RIF1: variants seen among roughly 807,000 people sequenced by gnomAD.
RIF1 encodes the protein replication timing regulatory factor 1.
A neutral mutation model predicts 247.1 loss-of-function variants in RIF1; 45 were observed. That is an observed-to-expected ratio of 0.18 (90% CI 0.14 to 0.23). The LOEUF (loss-of-function observed/expected upper bound fraction) is 0.23. RIF1 is among the 10% of genes least tolerant of loss of function. The probability of loss-of-function intolerance (pLI) is 1.00; values close to 1 mark genes in which losing one functional copy is unlikely to be tolerated. For missense variants in RIF1, 2,967 were observed against 2,862.5 expected (o/e 1.04, Z -0.83); for synonymous variants, 1,087 against 978.8 (o/e 1.11, Z -2.06).
At chr2:151,470,145 A>T (rs1001877862) in intron 34 of RIF1, among the ~76,000 whole-genome samples, 11 of 152,046 alleles carry the variant, frequency 7.2e-5, no homozygotes, top group African/African-American at 2.7e-4. Flanking sequence ...AAAACCATAC[A>T]GATTTGTAGG....
At position 151,464,683 on chromosome 2, in the gene RIF1, G is replaced by A; in HGVS notation, c.5163G>A (p.Lys1721=). 6.2e-7 allele frequency: 1 copy of A among 1,612,594 alleles called. No individual in the cohort carries two copies. The highest frequency in any genetic ancestry group is 8.5e-7 in the Non-Finnish European group (1 of 1,179,182). Residue 1721 remains lysine (K), a synonymous_variant, in exon 30 of 36, where the codon AAG becomes AAA. Coordinates refer to ENST00000444746, the MANE Select transcript of RIF1 (RefSeq NM_018151.5). ...TTCAAACACTTGAATGCCAACACAA[G>A]AGAAGTAGGAGGGTGAGGAGATCTA... is the stretch of plus-strand genomic sequence containing the variant. ...KTFQTLECQH[K]RSRRVRRSKG... is the part of the protein sequence containing the mutation.
rs2049045021 is a variant in RIF1, at chr2:151,478,632, TG to T, written c.*3565del. The T allele has an allele frequency of 6.6e-6, 1 of 151,604 alleles. No individual in the cohort carries two copies. The highest frequency in any genetic ancestry group is 1.5e-5 in the Non-Finnish European group (1 of 67,922). The allele number at this position is 151,604 out of a possible 1,614,324, so 9.4% of individuals were successfully genotyped here. On this transcript the variant is annotated 3_prime_UTR_variant, in exon 36 of 36. Transcript: ENST00000444746. ...CAAGAAACAAAATTGGGGGAAATGG[TG>T]GGGATCGTGAATATATAAGTGAAGT... is the stretch of plus-strand genomic sequence containing the variant.
chr2:151,463,212 A>C lies in RIF1; in HGVS notation c.3692A>C (p.Glu1231Ala). ...FITLEKFDGS[E>A]NRPFSPSPLN... ...ACTTTGGAGAAGTTTGATGGTTCAGAAAATAGACCTTTTAGTCCATCCCCC... is the reference window on the plus strand; with the variant it reads ...ACTTTGGAGAAGTTTGATGGTTCAGCAAATAGACCTTTTAGTCCATCCCCC... The change falls in exon 30 of 36, where the codon GAA becomes GCA. Residue 1231 changes from glutamate to alanine, a missense_variant. Glu to Ala is a moderately radical substitution (Grantham distance 107). Around this residue, in one of 7 missense-constraint regions of RIF1, gnomAD observed 2,028 missense variants for 1,825.6 expected, o/e 1.11. Coordinates refer to ENST00000444746, the MANE Select transcript of RIF1 (RefSeq NM_018151.5). 1.2e-6 allele frequency: 2 copies of C among 1,614,158 alleles called. No homozygotes were observed. The highest frequency in any genetic ancestry group is 1.7e-6 in the Non-Finnish European group (2 of 1,179,996).
intron 12 of RIF1, among the ~76,000 whole-genome samples, chr2:151,504,666 T>C (rs562428904): frequency 2.0e-4 from 31 of 152,326 alleles, no homozygotes; most frequent in Admixed American, 1.2e-3. Flanking sequence ...TTATTGGCCA[T>C]AAACTATTTC....
intron 4 of RIF1, among the ~76,000 whole-genome samples, chr2:151,415,345 C>CAAAAAA (rs34015306): frequency 7.3e-6 from 1 of 136,584 alleles, no homozygotes; most frequent in East Asian, 2.2e-4. Context: ...GACCCCATCT[C>CAAAAAA]AAAAAAAAAA....
rs1480451742 is a variant in RIF1, at chr2:151,463,114, C to T, written c.3594C>T (p.Ser1198=). The part of the protein sequence containing the change: ...ASSTENSFVV[S]SSSVSNTTVA... ...GTACAGAAAATTCTTTCGTTGTCAGCAGTAGTTCAGTTTCTAATACCACTG... is the reference window on the plus strand; with the variant it reads ...GTACAGAAAATTCTTTCGTTGTCAGTAGTAGTTCAGTTTCTAATACCACTG... The change falls in exon 30 of 36, where the codon AGC becomes AGT. Residue 1198 remains serine (S), a synonymous_variant. Transcript: ENST00000444746. 3 of 1,613,756 alleles carry T rather than the reference C, an allele frequency of 1.9e-6. No individual in the cohort carries two copies. The highest frequency in any genetic ancestry group is 2.7e-5 in the African/African-American group (2 of 74,908).
chr2:151,525,900 C>G, the RIF1 span: 17 of 1,329,292 alleles, frequency 1.3e-5, no homozygotes, highest in Non-Finnish European at 1.6e-5. Flanking sequence ...ATTATTTCAC[C>G]AGATTCTACA....
chr2:151,499,499 C>T, exon 11 of RIF1: 2 of 657,772 alleles, frequency 3.0e-6, no homozygotes, highest in Non-Finnish European at 2.7e-6. Flanking sequence ...ACAGAAAAGA[C>T]AGATTCAACA....
At chr2:151,497,101 G>A in intron 10 of RIF1, 1 of 1,506,546 alleles carries the variant, frequency 6.6e-7, no homozygotes, top group Non-Finnish European at 9.0e-7. Flanking sequence ...AGGTTTTAAG[G>A]GTAAGGTCAG....
Position 151,463,028 on chromosome 2 carries a change from A to C in RIF1, c.3508A>C (p.Asn1170His). 1 of 1,613,928 alleles carries C rather than the reference A, an allele frequency of 6.2e-7. No homozygotes were observed. Among genetic ancestry groups the C allele is most frequent in the Non-Finnish European group, 8.5e-7 (1 of 1,179,832 alleles). ...KTSPEMSNSN[N>H]DERKKALISS... ...CAGTCCAGAAATGTCAAACAGTAAT[A>C]ATGATGAAAGAAAAAAAGCTTTAAT... The change falls in exon 30 of 36, where the codon AAT becomes CAT. Residue 1170 changes from asparagine (N) to histidine (H), a missense_variant. Around this residue, in one of 7 missense-constraint regions of RIF1, gnomAD observed 2,028 missense variants for 1,825.6 expected, o/e 1.11. Transcript: ENST00000444746.
intron 17 of RIF1, 46 bp downstream of exon 17, chr2:151,443,375 TAATG>T (rs748616867): frequency 6.5e-6 from 9 of 1,378,088 alleles, no homozygotes; most frequent in South Asian, 1.2e-5. Context: ...AAAGGTTATG[TAATG>T]AATGAGATTA....
chr2:151,534,341 T>C, the RIF1 span: 6 of 1,594,436 alleles, frequency 3.8e-6, no homozygotes, highest in East Asian at 1.3e-4. Context: ...TCATAGCATA[T>C]TATAGCAAGA....
chr2:151,503,451 A>ATAAT lies in RIF1; in HGVS notation c.*861+269_*861+272dup, dbSNP rs1273392775. ...TTTCTTTGTACATAACCTGTAGAAA[A>ATAAT]TAATTAGAATACCCAGAAAGGTAAA... On this transcript the variant is annotated intron_variant and NMD_transcript_variant, in intron 12 of 13. Coordinates refer to the RIF1 transcript ENST00000454583. The ATAAT allele has an allele frequency of 6.4e-7, 1 of 1,551,662 alleles. No homozygotes were observed. The highest frequency in any genetic ancestry group is 1.7e-4 in the Middle Eastern group (1 of 5,936).
At chr2:151,434,872 A>G (rs2152327247) in intron 10 of RIF1, among the ~76,000 whole-genome samples, 1 of 152,256 alleles carries the variant, frequency 6.6e-6, no homozygotes, top group Non-Finnish European at 1.5e-5. Context: ...TTTATATTTT[A>G]TATAAATAGC....
At chr2:151,516,494 T>G in the RIF1 span, 4 of 1,613,562 alleles carry the variant, frequency 2.5e-6, no homozygotes, top group Non-Finnish European at 1.7e-6. Context: ...TTGGCAGTGA[T>G]GTACGTTGGT....
At chr2:151,518,206 C>T in the RIF1 span, 1 of 818,422 alleles carries the variant, frequency 1.2e-6, no homozygotes, top group South Asian at 1.4e-5. Context: ...TTCAAAACCC[C>T]TTATATCTTT....
intron 20 of RIF1, among the ~76,000 whole-genome samples, chr2:151,449,265 T>C (rs1693847695): frequency 6.6e-6 from 1 of 152,146 alleles, no homozygotes; most frequent in Non-Finnish European, 1.5e-5. Context: ...ATCATAGGAT[T>C]AATGTTTTTT....
the RIF1 span, chr2:151,518,175 T>G: frequency 2.9e-6 from 2 of 688,506 alleles, no homozygotes; most frequent in Non-Finnish European, 5.3e-6. Flanking sequence ...ACATAAGAAT[T>G]TGTTTCAAAA....
At position 151,475,633 on chromosome 2, in the gene RIF1, C is replaced by A. The variant is rs2048891313; in HGVS notation, c.*562C>A. The A allele has an allele frequency of 6.5e-6, 1 of 153,428 alleles. No individual in the cohort carries two copies. Among genetic ancestry groups the A allele is most frequent in the Admixed American group, 6.5e-5 (1 of 15,480 alleles). The allele number at this position is 153,428 out of a possible 1,614,324, so 9.5% of individuals were successfully genotyped here. ...AGAAAAATGAGAAAAGTTTCAACTT[C>A]TGGCGGTTAAAATATTAATGCAGAA... On this transcript the variant is annotated 3_prime_UTR_variant, in exon 36 of 36. Coordinates refer to ENST00000444746, the MANE Select transcript of RIF1 (RefSeq NM_018151.5).
Sources: allele counts gnomAD v4.1 joint callset (sites outside exome capture counted in the v4.1 genomes callset), GRCh38; gene constraint gnomAD v4.1.1; regional missense constraint gnomAD v4.1.1; transcripts MANE v1.5; gene names NCBI Gene and HGNC (gene_info 2026-07-23, HGNC 2026-07-21).